Variants in ATOSA observed in about 807,000 individuals in gnomAD.
The protein encoded by ATOSA is atos homolog protein A.
chr15:52,625,604 T>C, the ATOSA span, among the ~76,000 whole-genome samples: 1 of 152,188 alleles, frequency 6.6e-6, no homozygotes, highest in Non-Finnish European at 1.5e-5. Flanking sequence ...GTGTGGTTTG[T>C]TTAAATTCAA....
At chr15:52,700,727 T>A in the ATOSA span, among the ~76,000 whole-genome samples, 1 of 152,340 alleles carries the variant, frequency 6.6e-6, no homozygotes, top group East Asian at 1.9e-4. Flanking sequence ...AGTTGTTGCT[T>A]TCCTTTATTG....
chr15:52,630,468 A>G, the ATOSA span, among the ~76,000 whole-genome samples: 1 of 152,228 alleles, frequency 6.6e-6, no homozygotes, highest in East Asian at 1.9e-4. Flanking sequence ...CTCCTTAATC[A>G]TTGCAAAATA....
chr15:52,662,499 G>A, the ATOSA span, among the ~76,000 whole-genome samples: 9 of 152,248 alleles, frequency 5.9e-5, no homozygotes, highest in South Asian at 2.1e-4. Flanking sequence ...GGCCGGGCAC[G>A]GTGGCTCAAG....
the ATOSA span, among the ~76,000 whole-genome samples, chr15:52,677,016 CTAAAT>C: frequency 6.6e-6 from 1 of 152,182 alleles, no homozygotes; most frequent in African/African-American, 2.4e-5. Flanking sequence ...ATTTAAATCA[CTAAAT>C]TAAGTATGGT....
chr15:52,699,843 A>G, the ATOSA span, among the ~76,000 whole-genome samples: 1 of 152,130 alleles, frequency 6.6e-6, no homozygotes, highest in Admixed American at 6.6e-5. Flanking sequence ...AATCTGAAGG[A>G]TACTAGTGGC....
the ATOSA span, chr15:52,593,647 T>C: frequency 1.3e-6 from 2 of 1,564,728 alleles, no homozygotes. Context: ...GAGTCAAATG[T>C]GTGGGGCAGA....
the ATOSA span, among the ~76,000 whole-genome samples, chr15:52,599,961 T>C: frequency 6.6e-6 from 1 of 152,154 alleles, no homozygotes; most frequent in African/African-American, 2.4e-5. Context: ...TGCCAACAAT[T>C]CTGATTTCCC....
At chr15:52,667,061 T>G in the ATOSA span, among the ~76,000 whole-genome samples, 1 of 152,268 alleles carries the variant, frequency 6.6e-6, no homozygotes, top group East Asian at 1.9e-4. Flanking sequence ...AGGACTAATA[T>G]GGCTAGACTG....
the ATOSA span, among the ~76,000 whole-genome samples, chr15:52,590,254 G>A: frequency 6.6e-5 from 10 of 152,258 alleles, no homozygotes; most frequent in East Asian, 1.5e-3. Flanking sequence ...GAAATCATAC[G>A]TGGCCCTAAT....
At chr15:52,708,557 T>G in the ATOSA span, among the ~76,000 whole-genome samples, 7 of 152,276 alleles carry the variant, frequency 4.6e-5, no homozygotes, top group African/African-American at 1.7e-4. Context: ...TTTTTCAATC[T>G]GAAAAGTGAG....
the ATOSA span, among the ~76,000 whole-genome samples, chr15:52,692,757 T>C: frequency 3.9e-5 from 6 of 152,046 alleles, no homozygotes; most frequent in African/African-American, 1.4e-4. Flanking sequence ...ACCCCTGGAC[T>C]CAAGCAATCC....
the ATOSA span, among the ~76,000 whole-genome samples, chr15:52,591,163 TTTATC>T: frequency 5.9e-5 from 9 of 152,202 alleles, no homozygotes; most frequent in African/African-American, 1.9e-4. Flanking sequence ...AGTTTACTCT[TTTATC>T]TTGTTTCCAA....
the ATOSA span, among the ~76,000 whole-genome samples, chr15:52,702,300 C>T: frequency 1.3e-5 from 2 of 152,184 alleles, no homozygotes; most frequent in Admixed American, 1.3e-4. Flanking sequence ...CAAAAAGACA[C>T]ATGCACTCAC....
At chr15:52,694,585 C>A in the ATOSA span, among the ~76,000 whole-genome samples, 5 of 151,992 alleles carry the variant, frequency 3.3e-5, no homozygotes. Context: ...TATAATCCCG[C>A]CACTTTGGGA....
At chr15:52,626,165 TGC>T in the ATOSA span, among the ~76,000 whole-genome samples, 2 of 152,210 alleles carry the variant, frequency 1.3e-5, no homozygotes, top group Admixed American at 6.5e-5. Context: ...TAAAATCATT[TGC>T]CCAAGGCCAC....
chr15:52,703,781 T>A, the ATOSA span, among the ~76,000 whole-genome samples: 1 of 152,132 alleles, frequency 6.6e-6, no homozygotes, highest in South Asian at 2.1e-4. Context: ...ACATGGCACA[T>A]GTATAACTAT....
At chr15:52,678,275 C>T in the ATOSA span, 1 of 601,964 alleles carries the variant, frequency 1.7e-6, no homozygotes, top group Admixed American at 2.9e-5. Flanking sequence ...GCACCGCCTC[C>T]CCCATCTCCT....
chr15:52,627,820 C>A, the ATOSA span, among the ~76,000 whole-genome samples: 1 of 152,088 alleles, frequency 6.6e-6, no homozygotes, highest in African/African-American at 2.4e-5. Flanking sequence ...GGGCCTCAGC[C>A]ACCAGTATCT....
At chr15:52,590,421 T>C in the ATOSA span, among the ~76,000 whole-genome samples, 2 of 152,182 alleles carry the variant, frequency 1.3e-5, no homozygotes, top group Non-Finnish European at 2.9e-5. Flanking sequence ...AGAATAATAT[T>C]ATATGGCTTT....
Sources: allele counts gnomAD v4.1 joint callset (sites outside exome capture counted in the v4.1 genomes callset), GRCh38; gene constraint gnomAD v4.1.1; transcripts MANE v1.5; gene names NCBI Gene and HGNC (gene_info 2026-07-23, HGNC 2026-07-21).